PPP1R26: variants seen among roughly 807,000 people sequenced by gnomAD.
PPP1R26 encodes the protein protein phosphatase 1 regulatory subunit 26.
In PPP1R26, 22 loss-of-function variants were observed where a neutral mutation model predicts 67.6. That is an observed-to-expected ratio of 0.33 (90% confidence interval 0.23 to 0.46). The LOEUF (loss-of-function observed/expected upper bound fraction) is 0.46, where lower values mean the gene tolerates loss of function less well. Among genes scored for constraint, PPP1R26 ranks in the 20% least tolerant of loss-of-function variants. PPP1R26 has a pLI of 1.00. For missense variants in PPP1R26, 1,602 were observed against 1,651.4 expected, an observed-to-expected ratio of 0.97 and a Z score of 0.52; for synonymous variants, 729 against 717.2, an observed-to-expected ratio of 1.02 and a Z score of -0.26.
Position 135,488,119 on chromosome 9 carries a change from C to T in PPP1R26, c.3609C>T (p.Gly1203=). 1 of 1,530,550 alleles carries T rather than the reference C, an allele frequency of 6.5e-7. No homozygotes were observed. Among genetic ancestry groups the T allele is most frequent in the Non-Finnish European group, 8.8e-7 (1 of 1,139,862 alleles). The allele number at this position is 1,530,550 out of a possible 1,614,324, so 94.8% of individuals were successfully genotyped here. Residue 1203 remains glycine (G), a synonymous_variant, in exon 4 of 4, where the codon GGC becomes GGT. Coordinates refer to ENST00000356818, the MANE Select transcript of PPP1R26 (RefSeq NM_014811.5). The stretch of plus-strand genomic sequence containing the variant: ...ACACCTCCACGGAGGACAGTGGCGG[C>T]AGCTCAGTAGTGAAGGTCTAAGCCC... The part of the protein sequence containing the change: ...FSDTSTEDSG[G]SSVVKV
At chr9:135,482,182 G>T (rs1480916693) in intron 1 of PPP1R26, among the ~76,000 whole-genome samples, 1 of 152,180 alleles carries the variant, frequency 6.6e-6, no homozygotes, top group Non-Finnish European at 1.5e-5. Context: ...TAATTTAGAC[G>T]CTCCTCAGCC....
Position 135,488,186 on chromosome 9 carries a change from A to T in PPP1R26, c.*46A>T, listed in dbSNP as rs1398523699. The T allele has an allele frequency of 6.7e-7, 1 of 1,484,624 alleles. No homozygotes were observed. The highest frequency in any genetic ancestry group is 2.4e-5 in the East Asian group (1 of 42,334). The allele number at this position is 1,484,624 out of a possible 1,614,324, so 92.0% of individuals were successfully genotyped here. A position where few individuals can be genotyped will look rare whatever the true frequency, so the allele number is the denominator to read the frequency against. ...CGTCCTGGGTTGCGTGCATTCGTGG[A>T]AAGCGGCGTAGCCGTGCGTGTGTGT... is the stretch of plus-strand genomic sequence containing the variant. On this transcript the variant is annotated 3_prime_UTR_variant, in exon 4 of 4. Coordinates refer to ENST00000356818, the MANE Select transcript of PPP1R26 (RefSeq NM_014811.5).
Position 135,487,921 on chromosome 9 carries a change from A to G in PPP1R26, c.3411A>G (p.Ala1137=). The change falls in exon 4 of 4, where the codon GCA becomes GCG. Residue 1137 remains alanine (A), a synonymous_variant. Coordinates refer to ENST00000356818, the MANE Select transcript of PPP1R26 (RefSeq NM_014811.5). ...SPVFGSPHLL[A]KKDGGPWPTR... The stretch of plus-strand genomic sequence containing the variant: ...TCTTTGGAAGCCCACACTTGCTGGC[A>G]AAGAAGGACGGCGGCCCCTGGCCAA... 1.3e-6 allele frequency: 2 copies of G among 1,578,166 alleles called. No homozygotes were observed. The highest frequency in any genetic ancestry group is 1.2e-5 in the South Asian group (1 of 86,166).
rs139951646 is a variant in PPP1R26, at chr9:135,484,678, C to G, written c.168C>G (p.Arg56=). 322 of 1,610,346 alleles carry G rather than the reference C, an allele frequency of 2.0e-4. 2 individuals are homozygous for G. Among genetic ancestry groups the G allele is most frequent in the Non-Finnish European group, 2.0e-4 (236 of 1,179,748 alleles). The change falls in exon 4 of 4, where the codon CGC becomes CGG. Residue 56 remains arginine, a synonymous_variant. Transcript: ENST00000356818. Reference sequence around the variant, plus strand: ...AGATGCTTATCAGCACTCTGCAGCGCGACGGGGCTGCTCGGGGCACCAGCG... The same window carrying G: ...AGATGCTTATCAGCACTCTGCAGCGGGACGGGGCTGCTCGGGGCACCAGCG... ...RVQMLISTLQ[R]DGAARGTSDE...
chr9:135,481,775 C>A (rs936813427), intron 1 of PPP1R26, among the ~76,000 whole-genome samples: 4 of 151,944 alleles, frequency 2.6e-5, no homozygotes, highest in Admixed American at 6.6e-5. Flanking sequence ...CACGCCACCA[C>A]GCCCAGCTAA....
chr9:135,480,393 T>TC (rs1240703499), intron 1 of PPP1R26: 1 of 152,000 alleles, frequency 6.6e-6, no homozygotes, highest in Non-Finnish European at 1.5e-5. Context: ...AGGCGGAGCT[T>TC]CCGGGAGGGT....
At position 135,485,720 on chromosome 9, in the gene PPP1R26, G is replaced by A. The variant is rs531017582; in HGVS notation, c.1210G>A (p.Ala404Thr). 54 of 1,609,934 alleles carry A rather than the reference G, an allele frequency of 3.4e-5. 1 individual carries two copies. In the South Asian group the frequency reaches 3.4e-4, roughly 10 times the overall value. Reference sequence around the variant, plus strand: ...AGAGGAGAGAGCGCCTGACCCTCCCGCACACAGCACAAGCAGTGCCACAAA... The same window carrying A: ...AGAGGAGAGAGCGCCTGACCCTCCCACACACAGCACAAGCAGTGCCACAAA... ...LREERAPDPP[A>T]HSTSSATKSA... The change falls in exon 4 of 4, where the codon GCA becomes ACA. Residue 404 changes from alanine to threonine, a missense_variant. Transcript: ENST00000356818. This position sits in a 1 kb window ranked among gnomAD's most constrained non-coding sequence, Gnocchi z 7.2.
In PPP1R26 at chr9:135,484,419, A is replaced by G. The variant is rs1324781886; in HGVS notation, c.-62-30A>G. 2.5e-6 allele frequency: 3 copies of G among 1,220,906 alleles called. No homozygotes were observed. In the East Asian group the frequency reaches 7.1e-5, roughly 29 times the overall value. 75.6% of individuals were successfully genotyped at this position (1,220,906 alleles called of 1,614,324 possible). A position where few individuals can be genotyped will look rare whatever the true frequency, so the allele number is the denominator to read the frequency against. On this transcript the variant is annotated intron_variant, in intron 3 of 3. Coordinates refer to ENST00000356818, the MANE Select transcript of PPP1R26 (RefSeq NM_014811.5). ...GGCAGCTATCGCTGTTTGTAGCTGC[A>G]TCATGCCCATGTGCTTTCTTTCCGC... is the stretch of plus-strand genomic sequence containing the variant.
Position 135,488,096 on chromosome 9 carries a change from A to G in PPP1R26, c.3586A>G (p.Thr1196Ala), listed in dbSNP as rs1830834181. The change falls in exon 4 of 4, where the codon ACC (threonine) becomes GCC (alanine). Residue 1196 changes from threonine to alanine, a missense_variant. By Grantham distance (58) the Thr-to-Ala change is moderately conservative. Around this residue, in one of 5 missense-constraint regions of PPP1R26, gnomAD observed 740 missense variants for 696.3 expected, o/e 1.06. Transcript: ENST00000356818. The part of the protein sequence containing the change: ...LGSDASDFSD[T>A]STEDSGGSSV... ...CAGTGACGCCAGTGACTTCAGCGAC[A>G]CCTCCACGGAGGACAGTGGCGGCAG... 2 of 1,552,832 alleles carry G rather than the reference A, an allele frequency of 1.3e-6. No individual in the cohort carries two copies. The highest frequency in any genetic ancestry group is 1.7e-6 in the Non-Finnish European group (2 of 1,150,934).
rs149069756 is a variant in PPP1R26, at chr9:135,486,373, C to G, written c.1863C>G (p.Ala621=). ...TGGTGAAAGACGGTAGCCAGGATGC[C>G]GACCACAGCCAGGGGAGAGCTGAGC... The part of the protein sequence containing the change: ...QEVVKDGSQD[A]DHSQGRAEPG... The change falls in exon 4 of 4, where the codon GCC becomes GCG. Residue 621 remains alanine (A), a synonymous_variant. Coordinates refer to ENST00000356818, the MANE Select transcript of PPP1R26 (RefSeq NM_014811.5). This position sits in a 1 kb window ranked among gnomAD's most constrained non-coding sequence, Gnocchi z 6.2. 1 of 1,613,194 alleles carries G rather than the reference C, an allele frequency of 6.2e-7. No homozygotes were observed. Among genetic ancestry groups the G allele is most frequent in the Non-Finnish European group, 8.5e-7 (1 of 1,179,960 alleles).
chr9:135,485,008 A>G lies in PPP1R26; in HGVS notation c.498A>G (p.Ala166=). 2 of 1,586,084 alleles carry G rather than the reference A, an allele frequency of 1.3e-6. No homozygotes were observed. The change falls in exon 4 of 4, where the codon GCA becomes GCG. Residue 166 remains alanine, a synonymous_variant. Coordinates refer to ENST00000356818, the MANE Select transcript of PPP1R26 (RefSeq NM_014811.5). This position sits in a 1 kb window ranked among gnomAD's most constrained non-coding sequence, Gnocchi z 7.2. Reference sequence around the variant, plus strand: ...GTGCAGCCCAGCCTTCCAGGGCCGCAGGCGGAGGCAGTAGATGTAAGCCGG... The same window carrying G: ...GTGCAGCCCAGCCTTCCAGGGCCGCGGGCGGAGGCAGTAGATGTAAGCCGG... ...QPGAAQPSRA[A]GGGSRCKPEP...
Position 135,487,655 on chromosome 9 carries a change from G to A in PPP1R26, c.3145G>A (p.Ala1049Thr), listed in dbSNP as rs1423846571. The A allele has an allele frequency of 1.4e-6, 2 of 1,470,798 alleles. No homozygotes were observed. Among genetic ancestry groups the A allele is most frequent in the South Asian group, 2.8e-5 (2 of 71,226 alleles). The allele number at this position is 1,470,798 out of a possible 1,614,324, so 91.1% of individuals were successfully genotyped here. Residue 1049 changes from alanine to threonine, a missense_variant, in exon 4 of 4, where the codon GCA becomes ACA. Transcript: ENST00000356818. Reference sequence around the variant, plus strand: ...GGTGCTGCGCTCCGAAGGCAGAGATGCAGTGTGGAGGGGGGGCGTCGGGAG... The same window carrying A: ...GGTGCTGCGCTCCGAAGGCAGAGATACAGTGTGGAGGGGGGGCGTCGGGAG... ...PWVLRSEGRD[A>T]VWRGGVGSER... is the part of the protein sequence containing the mutation.
In PPP1R26 at chr9:135,487,171, C is replaced by T. The variant is rs61743107; in HGVS notation, c.2661C>T (p.Gly887=). Residue 887 remains glycine, a synonymous_variant, in exon 4 of 4, where the codon GGC becomes GGT. Coordinates refer to ENST00000356818, the MANE Select transcript of PPP1R26 (RefSeq NM_014811.5). ...LCRKEPAPPP[G]VCTRSQRARG... The stretch of plus-strand genomic sequence containing the variant: ...GGAAGGAGCCTGCCCCACCGCCTGG[C>T]GTGTGCACACGCAGCCAGAGGGCCA... 1.0e-4 allele frequency: 164 copies of T among 1,608,942 alleles called. No individual in the cohort carries two copies. In the African/African-American group the frequency reaches 1.8e-3, roughly 18 times the overall value.
In PPP1R26 at chr9:135,486,394, T is replaced by G; in HGVS notation, c.1884T>G (p.Ala628=). 1 of 1,613,088 alleles carries G rather than the reference T, an allele frequency of 6.2e-7. No individual in the cohort carries two copies. ...SQDADHSQGR[A]EPGHERRDLP... is the part of the protein sequence containing the mutation. The stretch of plus-strand genomic sequence containing the variant: ...ATGCCGACCACAGCCAGGGGAGAGC[T>G]GAGCCCGGCCATGAGAGGCGAGACC... Residue 628 remains alanine (A), a synonymous_variant, in exon 4 of 4, where the codon GCT becomes GCG. Transcript: ENST00000356818. The surrounding 1 kb of genome is among the most constrained non-coding windows in gnomAD (Gnocchi z 6.2).
In PPP1R26 at chr9:135,487,183, C is replaced by A; in HGVS notation, c.2673C>A (p.Arg891=). 1 of 1,607,512 alleles carries A rather than the reference C, an allele frequency of 6.2e-7. No individual in the cohort carries two copies. The highest frequency in any genetic ancestry group is 8.5e-7 in the Non-Finnish European group (1 of 1,178,008). Residue 891 remains arginine, a synonymous_variant, in exon 4 of 4, where the codon CGC becomes CGA. Coordinates refer to ENST00000356818, the MANE Select transcript of PPP1R26 (RefSeq NM_014811.5). ...EPAPPPGVCT[R]SQRARGVPHL... ...CCCCACCGCCTGGCGTGTGCACACGCAGCCAGAGGGCCAGGGGGGTCCCAC... is the reference window on the plus strand; with the variant it reads ...CCCCACCGCCTGGCGTGTGCACACGAAGCCAGAGGGCCAGGGGGGTCCCAC...
Position 135,484,494 on chromosome 9 carries a change from C to G in PPP1R26, c.-17C>G. 6.4e-7 allele frequency: 1 copy of G among 1,556,280 alleles called. No homozygotes were observed. Among genetic ancestry groups the G allele is most frequent in the African/African-American group, 1.4e-5 (1 of 72,462 alleles). The stretch of plus-strand genomic sequence containing the variant: ...ATAAAGCATCGCCCCTCTGCGCGCC[C>G]CTCCCCGTCTGCTAGAATGTTTCTC... On this transcript the variant is annotated 5_prime_UTR_variant, in exon 4 of 4. Transcript: ENST00000356818.
At position 135,485,815 on chromosome 9, in the gene PPP1R26, CCCTGGT is replaced by C; in HGVS notation, c.1308_1313del (p.Pro438_Gly439del). On this transcript the variant is annotated inframe_deletion, in exon 4 of 4. Transcript: ENST00000356818. The surrounding 1 kb of genome is among the most constrained non-coding windows in gnomAD (Gnocchi z 7.2). ...AGCTAGTGGCCACCAAGACCATGGA[CCCTGGT>C]CCAGGGGGCCTGGACACTGACCATG... The C allele has an allele frequency of 1.9e-6, 3 of 1,613,044 alleles. No individual in the cohort carries two copies. The highest frequency in any genetic ancestry group is 1.7e-6 in the Non-Finnish European group (2 of 1,180,000).
At chr9:135,480,723 G>A (rs1236357758) in intron 1 of PPP1R26, 1 of 152,414 alleles carries the variant, frequency 6.6e-6, no homozygotes, top group Non-Finnish European at 1.5e-5. Flanking sequence ...TTTGCTGGGG[G>A]ACGCTTGTAG....
chr9:135,487,387 C>T lies in PPP1R26; in HGVS notation c.2877C>T (p.Tyr959=), dbSNP rs755833130. 2.7e-5 allele frequency: 43 copies of T among 1,571,220 alleles called. No homozygotes were observed. The highest frequency in any genetic ancestry group is 2.6e-4 in the South Asian group (22 of 85,516). The change falls in exon 4 of 4, where the codon TAC becomes TAT. Residue 959 remains tyrosine (Y), a synonymous_variant. Coordinates refer to ENST00000356818, the MANE Select transcript of PPP1R26 (RefSeq NM_014811.5). ...KGLSVSRRNV[Y]VHKDQSPRGA... ...TCTCAGTGAGCAGGAGAAATGTTTA[C>T]GTTCACAAAGACCAGAGCCCACGAG...
Sources: allele counts gnomAD v4.1 joint callset (sites outside exome capture counted in the v4.1 genomes callset), GRCh38; gene constraint gnomAD v4.1.1; regional missense constraint gnomAD v4.1.1; non-coding constraint Gnocchi (gnomAD v3.1); transcripts MANE v1.5; gene names NCBI Gene and HGNC (gene_info 2026-07-23, HGNC 2026-07-21).